GHRH: variants seen among roughly 807,000 people sequenced by gnomAD.
GHRH encodes somatoliberin.
In GHRH, 7 loss-of-function variants were observed where a neutral mutation model predicts 15.6. The ratio of observed to expected loss-of-function variants is 0.45; its 90% CI spans 0.26 to 0.84. GHRH has a LOEUF of 0.84. Ranked by LOEUF, GHRH falls within the 40% of genes least tolerant of loss-of-function variation. The pLI is 0.18. For missense variants in GHRH, 117 were observed against 138.0 expected (o/e 0.85, Z 0.76); for synonymous variants, 54 against 50.4 (o/e 1.07, Z -0.30).
rs2073946665 is a variant in GHRH, at chr20:37,258,278, G to T, written c.-19-1370C>A. Among the ~76,000 whole-genome samples, 1 of 152,130 alleles carries T rather than the reference G, an allele frequency of 6.6e-6. No individual in the cohort carries two copies. Among genetic ancestry groups the T allele is most frequent in the African/African-American group, 2.4e-5 (1 of 41,428 alleles). ...CTCTCAGCAGGATGTCTACTCCATG[G>T]GGGTGTAGATCCATCCAGAAGCCCA... is the stretch of plus-strand genomic sequence containing the variant. On this transcript the variant is annotated intron_variant, in intron 1 of 4. Transcript: ENST00000373614. This position sits in a 1 kb window ranked among gnomAD's most constrained non-coding sequence, Gnocchi z 4.1.
intron 1 of GHRH, among the ~76,000 whole-genome samples, chr20:37,260,170 GTTAACCA>G (rs1306784007): frequency 5.3e-5 from 8 of 152,082 alleles, no homozygotes. Context: ...AACTGCACAA[GTTAACCA>G]AGAGGCTCAA....
intron 3 of GHRH, 89 bp downstream of exon 3, chr20:37,256,305 C>T (rs1252988848): frequency 2.7e-6 from 2 of 737,152 alleles, no homozygotes; most frequent in South Asian, 1.8e-5. Flanking sequence ...AGGAAGAGAT[C>T]TGAATTGGTC....
intron 1 of GHRH, among the ~76,000 whole-genome samples, chr20:37,260,178 A>G (rs1178560836): frequency 6.6e-6 from 1 of 152,154 alleles, no homozygotes; most frequent in African/African-American, 2.4e-5. Context: ...AAGTTAACCA[A>G]GAGGCTCAAC....
rs373627645 is a variant in GHRH at position 37,256,504 on chromosome 20, C to T, written c.84-6G>A. 35 of 1,597,472 alleles carry T rather than the reference C, an allele frequency of 2.2e-5. No individual in the cohort carries two copies. Among genetic ancestry groups the T allele is most frequent in the East Asian group, 1.6e-4 (7 of 44,756 alleles). On this transcript the variant is annotated splice_region_variant and splice_polypyrimidine_tract_variant and intron_variant, in intron 2 of 4. Coordinates refer to ENST00000373614, the MANE Select transcript of GHRH (RefSeq NM_021081.6). ...CATCTGCATACCGCCGCATCCTGTG[C>T]GGAAGGAGTCAGGGGTCAGAGGGCG...
chr20:37,256,324 C>T, intron 3 of GHRH, 70 bp downstream of exon 3: 9 of 946,420 alleles, frequency 9.5e-6, no homozygotes, highest in Non-Finnish European at 1.5e-5. Context: ...TCCCTGGTCC[C>T]CTGTAGGGAA....
intron 3 of GHRH, among the ~76,000 whole-genome samples, chr20:37,255,089 G>A (rs749828456): frequency 2.0e-5 from 3 of 152,106 alleles, no homozygotes; most frequent in Non-Finnish European, 4.4e-5. Flanking sequence ...CATGATGACT[G>A]CAATTTACTC....
intron 4 of GHRH, among the ~76,000 whole-genome samples, chr20:37,253,584 A>G (rs1328261069): frequency 6.6e-6 from 1 of 152,116 alleles, no homozygotes; most frequent in Non-Finnish European, 1.5e-5. Context: ...CTTCATGACT[A>G]AAGAACTCTC....
chr20:37,254,808 C>T (rs1172679732), intron 3 of GHRH, among the ~76,000 whole-genome samples: 1 of 152,130 alleles, frequency 6.6e-6, no homozygotes, highest in Non-Finnish European at 1.5e-5. Context: ...AAATCATTAG[C>T]CTTTACTAAT....
Position 37,256,503 on chromosome 20 carries a change from G to A in GHRH, c.84-5C>T. On this transcript the variant is annotated splice_region_variant and splice_polypyrimidine_tract_variant and intron_variant, in intron 2 of 4. Coordinates refer to ENST00000373614, the MANE Select transcript of GHRH (RefSeq NM_021081.6). ...GCATCTGCATACCGCCGCATCCTGT[G>A]CGGAAGGAGTCAGGGGTCAGAGGGC... is the stretch of plus-strand genomic sequence containing the variant. 1 of 1,601,912 alleles carries A rather than the reference G, an allele frequency of 6.2e-7. No individual in the cohort carries two copies. Among genetic ancestry groups the A allele is most frequent in the Non-Finnish European group, 8.5e-7 (1 of 1,170,492 alleles).
At chr20:37,260,295 G>GA (rs1480649645) in intron 1 of GHRH, among the ~76,000 whole-genome samples, 3 of 151,018 alleles carry the variant, frequency 2.0e-5, no homozygotes, top group African/African-American at 7.3e-5. Context: ...ATGAAAATGG[G>GA]AAACAAGAAT....
intron 1 of GHRH, among the ~76,000 whole-genome samples, chr20:37,261,016 G>C (rs2068684496): frequency 6.6e-6 from 1 of 152,176 alleles, no homozygotes; most frequent in Non-Finnish European, 1.5e-5. Context: ...CCAAAGCATA[G>C]ACTTCCTGAT....
At chr20:37,257,289 C>T (rs1438134908) in intron 1 of GHRH, among the ~76,000 whole-genome samples, 4 of 151,894 alleles carry the variant, frequency 2.6e-5, no homozygotes, top group East Asian at 3.9e-4. Context: ...CTGAGGTGGG[C>T]GGATCACCTG....
chr20:37,257,198 T>C (rs1355159403), intron 1 of GHRH, among the ~76,000 whole-genome samples: 2 of 152,128 alleles, frequency 1.3e-5, no homozygotes, highest in African/African-American at 4.8e-5. Flanking sequence ...TAGGGAAATT[T>C]CCCCTTGCCA....
intron 1 of GHRH, among the ~76,000 whole-genome samples, chr20:37,260,861 G>A (rs2068683997): frequency 6.6e-6 from 1 of 152,168 alleles, no homozygotes; most frequent in Admixed American, 6.5e-5. Context: ...TTTCATGCCA[G>A]GAATGCCAGG....
Position 37,251,161 on chromosome 20 carries a change from C to G in GHRH, c.*52G>C. On this transcript the variant is annotated 3_prime_UTR_variant, in exon 5 of 5. Coordinates refer to ENST00000373614, the MANE Select transcript of GHRH (RefSeq NM_021081.6). ...AGTGGGTCAGAAATGAGAGGATTAA[C>G]TGGATCCAGTTGCATTTTGGCTACA... The G allele has an allele frequency of 7.1e-7, 1 of 1,405,222 alleles. No individual in the cohort carries two copies. Among genetic ancestry groups the G allele is most frequent in the Non-Finnish European group, 9.9e-7 (1 of 1,007,592 alleles). 87.0% of individuals were successfully genotyped at this position (1,405,222 alleles called of 1,614,324 possible).
chr20:37,255,128 T>G (rs1051237487), intron 3 of GHRH, among the ~76,000 whole-genome samples: 2 of 152,168 alleles, frequency 1.3e-5, no homozygotes, highest in African/African-American at 4.8e-5. Context: ...ATGATAAGAA[T>G]ACTTAATGTG....
chr20:37,256,963 T>A, intron 1 of GHRH, 55 bp from the exon 2 acceptor site: 1 of 1,081,572 alleles, frequency 9.2e-7, no homozygotes, highest in Non-Finnish European at 1.4e-6. Context: ...TGGGATGGCC[T>A]TCACTGGCCC....
Position 37,258,366 on chromosome 20 carries a change from T to C in GHRH, c.-19-1458A>G, listed in dbSNP as rs562384481. ...ACAATCTCCTCACATGGCTTCCTTC[T>C]CTCCCACTCCTGGGTCCTGCTGAGG... On this transcript the variant is annotated intron_variant, in intron 1 of 4. Coordinates refer to ENST00000373614, the MANE Select transcript of GHRH (RefSeq NM_021081.6). This position sits in a 1 kb window ranked among gnomAD's most constrained non-coding sequence, Gnocchi z 4.1. Among the ~76,000 whole-genome samples, 1 of 152,060 alleles carries C rather than the reference T, an allele frequency of 6.6e-6. No individual in the cohort carries two copies. Among genetic ancestry groups the C allele is most frequent in the Non-Finnish European group, 1.5e-5 (1 of 67,996 alleles).
chr20:37,256,356 G>T (rs779536089), intron 3 of GHRH, 38 bp downstream of exon 3: 3 of 1,346,256 alleles, frequency 2.2e-6, no homozygotes, highest in Non-Finnish European at 1.1e-6. Flanking sequence ...AGACTCTGCT[G>T]CAGGGTGTGG....
Sources: allele counts gnomAD v4.1 joint callset (sites outside exome capture counted in the v4.1 genomes callset), GRCh38; gene constraint gnomAD v4.1.1; non-coding constraint Gnocchi (gnomAD v3.1); transcripts MANE v1.5; gene names NCBI Gene and HGNC (gene_info 2026-07-23, HGNC 2026-07-21).